Variants in IPCEF1 observed in about 807,000 individuals in gnomAD.
IPCEF1 encodes interaction protein for cytohesin exchange factors 1, also known as interactor protein for cytohesin exchange factors 1.
In IPCEF1, 31 loss-of-function variants were observed where a neutral mutation model predicts 50.9. The observed-to-expected ratio is 0.61, with a 90% CI of 0.46 to 0.82. IPCEF1 has a LOEUF of 0.82. Ranked by LOEUF, IPCEF1 falls within the 40% of genes least tolerant of loss-of-function variation. The pLI, the probability that IPCEF1 is intolerant of heterozygous loss-of-function variation, is 0.00. For synonymous variants in IPCEF1, 181 were observed against 192.0 expected (o/e 0.94, Z 0.47); for missense variants, 458 against 514.0 (o/e 0.89, Z 1.05).
chr6:154,274,420 A>G (rs1331851305), intron 2 of IPCEF1, among the ~76,000 whole-genome samples: 1 of 152,200 alleles, frequency 6.6e-6, no homozygotes, highest in African/African-American at 2.4e-5. Context: ...GACACACAAA[A>G]TCCACAAAGC....
chr6:154,327,530 C>T lies in IPCEF1; in HGVS notation c.-62+29142G>A, dbSNP rs143871248. 7.3e-3 allele frequency among the ~76,000 whole-genome samples: 1,112 copies of T among 152,220 alleles called. 10 individuals carry two copies. Among genetic ancestry groups the T allele is most frequent in the Middle Eastern group, 0.02 (6 of 294 alleles). On this transcript the variant is annotated intron_variant, in intron 1 of 11. Coordinates refer to ENST00000367220, the MANE Select transcript of IPCEF1 (RefSeq NM_001130700.2). Reference sequence around the variant, plus strand: ...AAAACCACAATGAGATACCATCTCACGCCAGTCAGAATGGCCATTAATAAA... The same window carrying T: ...AAAACCACAATGAGATACCATCTCATGCCAGTCAGAATGGCCATTAATAAA...
intron 1 of IPCEF1, among the ~76,000 whole-genome samples, chr6:154,307,526 G>A (rs1311326246): frequency 6.6e-6 from 1 of 152,104 alleles, no homozygotes; most frequent in African/African-American, 2.4e-5. Context: ...GATGTACTGG[G>A]GTTAGGACTT....
At chr6:154,207,648 C>T (rs921814063) in intron 9 of IPCEF1, among the ~76,000 whole-genome samples, 3 of 152,264 alleles carry the variant, frequency 2.0e-5, no homozygotes, top group Admixed American at 6.5e-5. Flanking sequence ...AGCCATCCAC[C>T]CACCTTGGCC....
chr6:154,268,922 G>C (rs939843975), intron 2 of IPCEF1, among the ~76,000 whole-genome samples: 1 of 152,016 alleles, frequency 6.6e-6, no homozygotes, highest in Non-Finnish European at 1.5e-5. Flanking sequence ...GGGAGAGATC[G>C]ATCCCCTTTT....
chr6:154,325,311 A>T (rs1783492394), intron 1 of IPCEF1, among the ~76,000 whole-genome samples: 1 of 152,216 alleles, frequency 6.6e-6, no homozygotes, highest in South Asian at 2.1e-4. Flanking sequence ...ATACACATAG[A>T]TAAGTATATG....
chr6:154,293,341 A>G (rs1782559283), intron 1 of IPCEF1, among the ~76,000 whole-genome samples: 1 of 152,236 alleles, frequency 6.6e-6, no homozygotes, highest in African/African-American at 2.4e-5. Context: ...GGGTGGCATC[A>G]GACTCAGATG....
intron 2 of IPCEF1, among the ~76,000 whole-genome samples, chr6:154,287,763 G>C (rs1463387144): frequency 2.6e-5 from 4 of 152,168 alleles, no homozygotes; most frequent in Admixed American, 2.6e-4. Context: ...CTGAGAGCCA[G>C]AAGTGTTATA....
At chr6:154,287,034 G>T (rs1343930645) in intron 2 of IPCEF1, among the ~76,000 whole-genome samples, 1 of 152,188 alleles carries the variant, frequency 6.6e-6, no homozygotes, top group Non-Finnish European at 1.5e-5. Context: ...GTGTATAACA[G>T]ATTGCTCGAG....
intron 5 of IPCEF1, among the ~76,000 whole-genome samples, chr6:154,223,904 T>C (rs1473375383): frequency 1.3e-5 from 2 of 152,220 alleles, no homozygotes; most frequent in African/African-American, 4.8e-5. Flanking sequence ...AAAGACTGCA[T>C]AAGAAAATTA....
At chr6:154,221,171 A>G in intron 7 of IPCEF1, 86 bp downstream of exon 7, 1 of 917,670 alleles carries the variant, frequency 1.1e-6, no homozygotes, top group Non-Finnish European at 1.7e-6. Flanking sequence ...AATAATTGAT[A>G]TGGACATATG....
chr6:154,181,386 A>G (rs1800855535), intron 10 of IPCEF1, among the ~76,000 whole-genome samples: 1 of 152,170 alleles, frequency 6.6e-6, no homozygotes, highest in Non-Finnish European at 1.5e-5. Flanking sequence ...CACTTCTATG[A>G]GAAGTGTTAA....
chr6:154,235,533 A>T (rs1373346239), intron 5 of IPCEF1, among the ~76,000 whole-genome samples: 14 of 144,482 alleles, frequency 9.7e-5, no homozygotes, highest in Non-Finnish European at 3.0e-5. Context: ...CTCTGTCACA[A>T]AAAAAAAAAA....
At position 154,319,456 on chromosome 6, in the gene IPCEF1, T is replaced by A. The variant is rs571841394; in HGVS notation, c.-61-29700A>T. 4.1e-4 allele frequency among the ~76,000 whole-genome samples: 63 copies of A among 152,356 alleles called. 1 individual carries two copies. The South Asian group carries it at 0.012, about 30-fold the overall frequency. ...AAAAATGTGCCTACTAAACATTTTT[T>A]AAATATATTTGTTCAAAAAATTGTT... On this transcript the variant is annotated intron_variant, in intron 1 of 11. Coordinates refer to ENST00000367220, the MANE Select transcript of IPCEF1 (RefSeq NM_001130700.2).
intron 10 of IPCEF1, among the ~76,000 whole-genome samples, chr6:154,181,949 T>A (rs1800916366): frequency 6.6e-6 from 1 of 152,152 alleles, no homozygotes; most frequent in Admixed American, 6.5e-5. Flanking sequence ...GAACGTCAAG[T>A]TGGGAGAACA....
At chr6:154,339,000 T>C (rs991876985) in intron 1 of IPCEF1, among the ~76,000 whole-genome samples, 1 of 152,146 alleles carries the variant, frequency 6.6e-6, no homozygotes, top group Non-Finnish European at 1.5e-5. Flanking sequence ...ATTATCTTCA[T>C]GCACAAAAAA....
intron 1 of IPCEF1, among the ~76,000 whole-genome samples, chr6:154,339,735 G>T (rs6911200): frequency 2.0e-5 from 3 of 151,872 alleles, no homozygotes; most frequent in Admixed American, 2.0e-4. Flanking sequence ...GACTACAAGC[G>T]CACACCACCA....
At chr6:154,217,838 ATTG>A (rs1778537591) in intron 7 of IPCEF1, among the ~76,000 whole-genome samples, 1 of 152,222 alleles carries the variant, frequency 6.6e-6, no homozygotes, top group Non-Finnish European at 1.5e-5. Context: ...AGACAAAAAA[ATTG>A]TTTTCACTTG....
intron 1 of IPCEF1, among the ~76,000 whole-genome samples, chr6:154,321,778 T>TA (rs61648946): frequency 0.074 from 3,834 of 51,798 alleles, 301 homozygotes; most frequent in Middle Eastern, 0.12. Context: ...AGACTCTTTC[T>TA]AAAAAAAAAA....
intron 10 of IPCEF1, among the ~76,000 whole-genome samples, chr6:154,181,343 T>C (rs955767324): frequency 1.3e-5 from 2 of 152,196 alleles, no homozygotes; most frequent in Non-Finnish European, 2.9e-5. Context: ...ACTGTGTTAA[T>C]TCTTAGACCA....
Sources: allele counts gnomAD v4.1 joint callset (sites outside exome capture counted in the v4.1 genomes callset), GRCh38; gene constraint gnomAD v4.1.1; transcripts MANE v1.5; gene names NCBI Gene and HGNC (gene_info 2026-07-23, HGNC 2026-07-21).